CACNG4: variants seen among roughly 807,000 people sequenced by gnomAD.
CACNG4 encodes the protein voltage-dependent calcium channel gamma-4 subunit.
In CACNG4, 8 loss-of-function variants were observed where a neutral mutation model predicts 22.9. The observed-to-expected ratio is 0.35, with a 90% confidence interval of 0.21 to 0.63. The LOEUF (loss-of-function observed/expected upper bound fraction) is 0.63, where lower values mean the gene tolerates loss of function less well. CACNG4 is among the 30% of genes least tolerant of loss of function. The pLI is 0.72. For synonymous variants in CACNG4, 188 were observed against 191.9 expected, an observed-to-expected ratio of 0.98 and a Z score of 0.17; for missense variants, 357 against 455.4, an observed-to-expected ratio of 0.78 and a Z score of 1.97.
At chr17:66,980,109 C>A (rs1011575269) in intron 1 of CACNG4, among the ~76,000 whole-genome samples, 3 of 152,148 alleles carry the variant, frequency 2.0e-5, no homozygotes, top group Non-Finnish European at 4.4e-5. Flanking sequence ...CTATGCCCAG[C>A]GACTTCTTGC....
intron 2 of CACNG4, among the ~76,000 whole-genome samples, chr17:67,018,754 T>C (rs1331313528): frequency 6.6e-6 from 1 of 151,982 alleles, no homozygotes. Flanking sequence ...CAAGACAGCC[T>C]CTTGGGGTGC....
chr17:66,998,869 C>A (rs2143321844), intron 1 of CACNG4, among the ~76,000 whole-genome samples: 1 of 152,338 alleles, frequency 6.6e-6, no homozygotes, highest in Admixed American at 6.5e-5. Flanking sequence ...TAGCCTAGGA[C>A]AGAAGCTGGT....
At chr17:66,975,881 C>T (rs2035232770) in intron 1 of CACNG4, among the ~76,000 whole-genome samples, 1 of 152,220 alleles carries the variant, frequency 6.6e-6, no homozygotes, top group Non-Finnish European at 1.5e-5. Context: ...TGGCAGCCAC[C>T]CAGGTGTGTG....
intron 1 of CACNG4, among the ~76,000 whole-genome samples, chr17:67,008,358 A>G (rs571877248): frequency 1.3e-5 from 2 of 152,290 alleles, no homozygotes; most frequent in East Asian, 1.9e-4. Context: ...GAGTGTGCCA[A>G]TTAGGAAATC....
intron 1 of CACNG4, among the ~76,000 whole-genome samples, chr17:67,016,855 A>G (rs1037436297): frequency 2.6e-5 from 4 of 151,994 alleles, no homozygotes; most frequent in Admixed American, 2.0e-4. Context: ...AGATTCTGGA[A>G]GGGAGGATTG....
rs145110661 is a variant in CACNG4 at position 66,977,797 on chromosome 17, C to T, written c.220+12666C>T. ...GTGTCGTCCTTAGGTGTTTGTGGGG[C>T]ACCTGCTGAGTGCCTGGCTTCAGGC... On this transcript the variant is annotated intron_variant, in intron 1 of 3. Transcript: ENST00000262138. 1.8e-3 allele frequency among the ~76,000 whole-genome samples: 268 copies of T among 152,270 alleles called. 1 individual carries two copies. Among genetic ancestry groups the T allele is most frequent in the African/African-American group, 6.0e-3 (248 of 41,544 alleles).
intron 2 of CACNG4, among the ~76,000 whole-genome samples, chr17:67,023,158 T>G (rs1262408918): frequency 6.6e-6 from 1 of 152,096 alleles, no homozygotes; most frequent in Non-Finnish European, 1.5e-5. Flanking sequence ...CCCCTGTGTC[T>G]TCTCCTAAGG....
chr17:66,996,028 G>A (rs2035372510), intron 1 of CACNG4, among the ~76,000 whole-genome samples: 1 of 152,124 alleles, frequency 6.6e-6, no homozygotes, highest in South Asian at 2.1e-4. Context: ...TGGCCCGTTG[G>A]ATTCGCCTCT....
chr17:67,029,353 C>A (rs1054165611), intron 3 of CACNG4, among the ~76,000 whole-genome samples: 16 of 144,054 alleles, frequency 1.1e-4, no homozygotes, highest in African/African-American at 4.2e-4. Flanking sequence ...CAAACGAGGC[C>A]GGGTGTGGTG....
At chr17:66,996,033 G>A (rs528908183) in intron 1 of CACNG4, among the ~76,000 whole-genome samples, 38 of 152,170 alleles carry the variant, frequency 2.5e-4, no homozygotes, top group South Asian at 2.5e-3. Flanking sequence ...CGTTGGATTC[G>A]CCTCTAGGAC....
rs1225387590 is a variant in CACNG4, at chr17:67,031,357, T to C, written c.*353T>C. On this transcript the variant is annotated 3_prime_UTR_variant, in exon 4 of 4. Coordinates refer to ENST00000262138, the MANE Select transcript of CACNG4 (RefSeq NM_014405.4). This position sits in a 1 kb window ranked among gnomAD's most constrained non-coding sequence, Gnocchi z 4.0. ...ATTATCTCCTCTTGGAAACGAATCT[T>C]GCCAGAAAAACGGGATTTCAGGGCC... 6.1e-6 allele frequency: 3 copies of C among 489,606 alleles called. No homozygotes were observed. Among genetic ancestry groups the C allele is most frequent in the Non-Finnish European group, 1.2e-5 (3 of 249,522 alleles). 30.3% of individuals were successfully genotyped at this position (489,606 alleles called of 1,614,324 possible).
intron 1 of CACNG4, among the ~76,000 whole-genome samples, chr17:66,981,536 C>T (rs1446324288): frequency 6.6e-6 from 1 of 152,174 alleles, no homozygotes; most frequent in African/African-American, 2.4e-5. Flanking sequence ...AACATACAAG[C>T]CTTTGTGCAA....
At chr17:66,983,337 G>A (rs576053993) in intron 1 of CACNG4, among the ~76,000 whole-genome samples, 3 of 152,344 alleles carry the variant, frequency 2.0e-5, no homozygotes, top group Admixed American at 2.0e-4. Context: ...GCACGCTGGG[G>A]AAAAGGCGAG....
chr17:66,994,834 G>A (rs74457844), intron 1 of CACNG4, among the ~76,000 whole-genome samples: 1 of 152,150 alleles, frequency 6.6e-6, no homozygotes, highest in Non-Finnish European at 1.5e-5. Flanking sequence ...GGTAGTGGAG[G>A]GGGAGGGAGT....
Position 67,031,978 on chromosome 17 carries a change from A to T in CACNG4, c.*974A>T, listed in dbSNP as rs1224372656. 3 of 456,728 alleles carry T rather than the reference A, an allele frequency of 6.6e-6. No homozygotes were observed. Among genetic ancestry groups the T allele is most frequent in the Non-Finnish European group, 1.3e-5 (3 of 226,970 alleles). 28.3% of individuals were successfully genotyped at this position (456,728 alleles called of 1,614,324 possible). Reference sequence around the variant, plus strand: ...GAGACCTAAGGGTGAACAGTGGCCAATAAAAACCCTAGAGAACAAACATCC... The same window carrying T: ...GAGACCTAAGGGTGAACAGTGGCCATTAAAAACCCTAGAGAACAAACATCC... On this transcript the variant is annotated 3_prime_UTR_variant, in exon 4 of 4. Transcript: ENST00000262138. This position sits in a 1 kb window ranked among gnomAD's most constrained non-coding sequence, Gnocchi z 4.0.
chr17:67,009,251 A>G (rs908784421), intron 1 of CACNG4, among the ~76,000 whole-genome samples: 1 of 152,170 alleles, frequency 6.6e-6, no homozygotes, highest in African/African-American at 2.4e-5. Context: ...ACTTTCTGTC[A>G]TGGAACCCCC....
At chr17:67,028,282 G>A (rs948646149) in intron 3 of CACNG4, among the ~76,000 whole-genome samples, 6 of 152,192 alleles carry the variant, frequency 3.9e-5, no homozygotes, top group Non-Finnish European at 8.8e-5. Flanking sequence ...GGCCGGGCAC[G>A]GTGGCTCACG....
chr17:66,982,246 G>T (rs1019907921), intron 1 of CACNG4, among the ~76,000 whole-genome samples: 6 of 152,178 alleles, frequency 3.9e-5, no homozygotes, highest in Admixed American at 1.3e-4. Context: ...CCCCGCCCAT[G>T]TCCTGCTGAT....
chr17:66,978,238 T>A (rs2035249759), intron 1 of CACNG4, among the ~76,000 whole-genome samples: 1 of 152,200 alleles, frequency 6.6e-6, no homozygotes, highest in South Asian at 2.1e-4. Context: ...CTCTGCAATA[T>A]GGGGTTGTTA....
Sources: allele counts gnomAD v4.1 joint callset (sites outside exome capture counted in the v4.1 genomes callset), GRCh38; gene constraint gnomAD v4.1.1; non-coding constraint Gnocchi (gnomAD v3.1); transcripts MANE v1.5; gene names NCBI Gene and HGNC (gene_info 2026-07-23, HGNC 2026-07-21).